MEGF8: variants seen among roughly 807,000 people sequenced by gnomAD.
MEGF8 encodes multiple EGF like domains 8.
MEGF8 carries 156 observed loss-of-function variants against 302.9 expected under a neutral mutation model. That is an observed-to-expected ratio of 0.52 (90% CI 0.45 to 0.59). MEGF8 has a LOEUF of 0.59. Among genes scored for constraint, MEGF8 ranks in the 20% least tolerant of loss-of-function variants. MEGF8 has a pLI of 0.00. For missense variants in MEGF8, 3,345 were observed against 3,964.5 expected, an observed-to-expected ratio of 0.84 and a Z score of 4.20; for synonymous variants, 1,621 against 1,660.5, an observed-to-expected ratio of 0.98 and a Z score of 0.58.
Position 42,360,897 on chromosome 19 carries a change from A to AACCTGC in MEGF8, c.5611_5612insACCTGC (p.Thr1871delinsAsnLeuPro), listed in dbSNP as rs1568572047. 1 of 1,613,270 alleles carries AACCTGC rather than the reference A, an allele frequency of 6.2e-7. No individual in the cohort carries two copies. Among genetic ancestry groups the AACCTGC allele is most frequent in the East Asian group, 2.2e-5 (1 of 44,874 alleles). On this transcript the variant is annotated protein_altering_variant, in exon 32 of 42. Coordinates refer to ENST00000251268, the MANE Select transcript of MEGF8 (RefSeq NM_001271938.2). ...GGCCCTGGGCCGCCTGCTGGCACTG[A>AACCTGC]CCCTGCCCCCTGACCCCTGCCGCCT...
intron 8 of MEGF8, 130 bp from the exon 9 acceptor site, chr19:42,343,347 C>T: frequency 2.0e-6 from 2 of 996,364 alleles, no homozygotes; most frequent in South Asian, 2.0e-5. Flanking sequence ...GGGAGAGTGT[C>T]CTTGGGCAGG....
At chr19:42,347,095 C>T (rs910469952) in intron 12 of MEGF8, among the ~76,000 whole-genome samples, 3 of 151,886 alleles carry the variant, frequency 2.0e-5, no homozygotes, top group African/African-American at 7.3e-5. Context: ...AATTATCTAG[C>T]TCCAGCATGG....
chr19:42,341,978 A>T (rs1348087696), intron 8 of MEGF8, among the ~76,000 whole-genome samples: 2 of 152,116 alleles, frequency 1.3e-5, no homozygotes, highest in Admixed American at 6.5e-5. Context: ...CCTGAAAAGG[A>T]GAGAGAGGAG....
chr19:42,329,340 A>G (rs1396086152), intron 1 of MEGF8, among the ~76,000 whole-genome samples: 1 of 152,158 alleles, frequency 6.6e-6, no homozygotes, highest in African/African-American at 2.4e-5. Context: ...ATCTGGCAAG[A>G]GAGGATGAGT....
At chr19:42,346,307 C>T (rs969518160) in intron 12 of MEGF8, among the ~76,000 whole-genome samples, 13 of 147,434 alleles carry the variant, frequency 8.8e-5, no homozygotes, top group African/African-American at 3.3e-4. Flanking sequence ...TAATTCCGGC[C>T]GAGGTGGGCG....
chr19:42,334,394 C>T (rs1280290227), intron 3 of MEGF8, among the ~76,000 whole-genome samples, 181 bp downstream of exon 3: 1 of 151,684 alleles, frequency 6.6e-6, no homozygotes, highest in Non-Finnish European at 1.5e-5. Flanking sequence ...TCCAACCCCA[C>T]CCCACCTTCA....
rs758669538 is a variant in MEGF8, at chr19:42,358,341, G to C, written c.5175+34G>C. ...AAGAGGCTCAGACCCAAGGATGTAT[G>C]GGGCAGGAGGGAGGGGTCCTCTTTC... On this transcript the variant is annotated intron_variant, in intron 29 of 41. Transcript: ENST00000251268. The surrounding 1 kb of genome is among the most constrained non-coding windows in gnomAD (Gnocchi z 4.4). The C allele has an allele frequency of 2.6e-6, 4 of 1,557,450 alleles. No homozygotes were observed. Among genetic ancestry groups the C allele is most frequent in the Non-Finnish European group, 3.5e-6 (4 of 1,156,254 alleles).
At chr19:42,367,830 C>G (rs2039629771) in intron 35 of MEGF8, among the ~76,000 whole-genome samples, 1 of 152,204 alleles carries the variant, frequency 6.6e-6, no homozygotes, top group Non-Finnish European at 1.5e-5. Flanking sequence ...CTTTCTGCAG[C>G]CTGCTCTTTT....
In MEGF8 at chr19:42,344,443, T is replaced by C. The variant is rs777831498; in HGVS notation, c.1791T>C (p.Cys597=). 39 of 1,588,820 alleles carry C rather than the reference T, an allele frequency of 2.5e-5. No homozygotes were observed. The highest frequency in any genetic ancestry group is 3.2e-5 in the Non-Finnish European group (38 of 1,174,614). ...APPPGTPLGA[C]PAASCLGLGR... Reference sequence around the variant, plus strand: ...CCTTTCCCCTCTCCTCCTCGCAGTGTCCAGCCGCCAGCTGCCTGGGCCTGG... The same window carrying C: ...CCTTTCCCCTCTCCTCCTCGCAGTGCCCAGCCGCCAGCTGCCTGGGCCTGG... The change falls in exon 11 of 42, where the codon TGT becomes TGC. Residue 597 remains cysteine (C), a splice_region_variant and synonymous_variant. Transcript: ENST00000251268. The surrounding 1 kb of genome is among the most constrained non-coding windows in gnomAD (Gnocchi z 4.5).
In MEGF8 at chr19:42,370,379, T is replaced by C; in HGVS notation, c.7005+20T>C. On this transcript the variant is annotated intron_variant, in intron 39 of 41. Transcript: ENST00000251268. ...GAGGAGGTGAAAGAGAGGGGTCAGA[T>C]GCCTGGGTCTGAGGGAGGAGGGGCT... 1 of 1,544,254 alleles carries C rather than the reference T, an allele frequency of 6.5e-7. No homozygotes were observed. The highest frequency in any genetic ancestry group is 8.8e-7 in the Non-Finnish European group (1 of 1,141,824).
chr19:42,362,408 T>C lies in MEGF8; in HGVS notation c.5869T>C (p.Cys1957Arg), dbSNP rs1336322277. The change falls in exon 34 of 42, where the codon TGT (cysteine) becomes CGT (arginine). Residue 1957 changes from cysteine (C) to arginine (R), a missense_variant. Transcript: ENST00000251268. ...GEASTPRCKW[C>R]TNCPEGACIG... ...GGCGTCCACCCCCCGCTGTAAGTGG[T>C]GTACCAACTGCCCCGAAGGTGCTTG... 6.2e-7 allele frequency: 1 copy of C among 1,613,756 alleles called. No individual in the cohort carries two copies. The highest frequency in any genetic ancestry group is 1.3e-5 in the African/African-American group (1 of 74,904).
Position 42,354,685 on chromosome 19 carries a change from G to T in MEGF8, c.4109G>T (p.Arg1370Leu). The change falls in exon 23 of 42, where the codon CGA (arginine) becomes CTA (leucine). Residue 1370 changes from arginine (R) to leucine (L), a missense_variant. Physicochemically the swap from Arg to Leu is moderately radical, Grantham distance 102 (BLOSUM62 -2). Transcript: ENST00000251268. The surrounding 1 kb of genome is among the most constrained non-coding windows in gnomAD (Gnocchi z 4.3). Reference sequence around the variant, plus strand: ...CTCATAGCTGCCTTCTGCGGCCAGCGACGGGACAGGCCCCTCACTGTTCAG... The same window carrying T: ...CTCATAGCTGCCTTCTGCGGCCAGCTACGGGACAGGCCCCTCACTGTTCAG... Reference protein sequence around the residue: ...RSLIAAFCGQRRDRPLTVQAL... With the variant: ...RSLIAAFCGQLRDRPLTVQAL... The T allele has an allele frequency of 6.2e-7, 1 of 1,609,780 alleles. No homozygotes were observed. The highest frequency in any genetic ancestry group is 8.5e-7 in the Non-Finnish European group (1 of 1,179,764).
intron 9 of MEGF8, 130 bp downstream of exon 9, chr19:42,343,761 A>C: frequency 7.3e-7 from 1 of 1,373,338 alleles, no homozygotes; most frequent in South Asian, 1.5e-5. Context: ...GAGAGAAGGG[A>C]AGGAGGTCCC....
In MEGF8 at chr19:42,375,428, G is replaced by C. The variant is rs533571143; in HGVS notation, c.7270-79G>C. ...ATGGCTACTTAGCAGTGGGTATAGA[G>C]TATTCGTCACTGCTGCTTGGGGGAC... On this transcript the variant is annotated intron_variant, in intron 41 of 41. Coordinates refer to ENST00000251268, the MANE Select transcript of MEGF8 (RefSeq NM_001271938.2). This position sits in a 1 kb window ranked among gnomAD's most constrained non-coding sequence, Gnocchi z 7.1. The C allele has an allele frequency of 7.4e-5, 102 of 1,373,840 alleles. No individual in the cohort carries two copies. The highest frequency in any genetic ancestry group is 9.7e-5 in the Non-Finnish European group (99 of 1,021,166). 85.1% of individuals were successfully genotyped at this position (1,373,840 alleles called of 1,614,324 possible).
At position 42,368,753 on chromosome 19, in the gene MEGF8, G is replaced by A. The variant is rs181392880; in HGVS notation, c.6482-90G>A. 7 of 1,557,984 alleles carry A rather than the reference G, an allele frequency of 4.5e-6. No homozygotes were observed. The highest frequency in any genetic ancestry group is 5.2e-6 in the Non-Finnish European group (6 of 1,152,554). On this transcript the variant is annotated intron_variant, in intron 36 of 41. Coordinates refer to ENST00000251268, the MANE Select transcript of MEGF8 (RefSeq NM_001271938.2). The surrounding 1 kb of genome is among the most constrained non-coding windows in gnomAD (Gnocchi z 4.9). The stretch of plus-strand genomic sequence containing the variant: ...TAGGGATACTGGGCCAGACCCAGAG[G>A]TGGGGCTCAGAGGAGGCAGGAGGGA...
At chr19:42,374,009 G>A (rs2039730313) in intron 41 of MEGF8, among the ~76,000 whole-genome samples, 2 of 152,168 alleles carry the variant, frequency 1.3e-5, no homozygotes, top group African/African-American at 4.8e-5. Flanking sequence ...CACTGCGTCT[G>A]TTTTCTCTTG....
intron 35 of MEGF8, among the ~76,000 whole-genome samples, chr19:42,367,455 A>G (rs2147504827): frequency 6.6e-6 from 1 of 151,800 alleles, no homozygotes; most frequent in Admixed American, 6.6e-5. Flanking sequence ...CGCCTGGCTA[A>G]TTTTTTCTAT....
Position 42,344,621 on chromosome 19 carries a change from C to T in MEGF8, c.1933+36C>T. 2 of 1,572,300 alleles carry T rather than the reference C, an allele frequency of 1.3e-6. No individual in the cohort carries two copies. The highest frequency in any genetic ancestry group is 8.6e-7 in the Non-Finnish European group (1 of 1,156,918). On this transcript the variant is annotated intron_variant, in intron 11 of 41. Coordinates refer to ENST00000251268, the MANE Select transcript of MEGF8 (RefSeq NM_001271938.2). The surrounding 1 kb of genome is among the most constrained non-coding windows in gnomAD (Gnocchi z 4.5). ...GCAGCAGTGGGCCGGCAGGAGGGGG[C>T]CAGAGCACTCCACACTGACCCACCG...
chr19:42,353,884 G>C lies in MEGF8; in HGVS notation c.3871G>C (p.Gly1291Arg). 6.3e-7 allele frequency: 1 copy of C among 1,597,408 alleles called. No homozygotes were observed. The change falls in exon 22 of 42, where the codon GGG becomes CGG. Residue 1291 changes from glycine (G) to arginine (R), a missense_variant. Transcript: ENST00000251268. The surrounding 1 kb of genome is among the most constrained non-coding windows in gnomAD (Gnocchi z 6.1). ...RVGGLLPPGG[G>R]AARAGPGLSY... The stretch of plus-strand genomic sequence containing the variant: ...CGGGGGGCTGCTGCCTCCAGGTGGC[G>C]GGGCTGCAAGAGCCGGGCCTGGCCT...
Sources: allele counts gnomAD v4.1 joint callset (sites outside exome capture counted in the v4.1 genomes callset), GRCh38; gene constraint gnomAD v4.1.1; non-coding constraint Gnocchi (gnomAD v3.1); transcripts MANE v1.5; gene names NCBI Gene and HGNC (gene_info 2026-07-23, HGNC 2026-07-21).